The following UNC5C variants were observed in gnomAD, a reference collection of about 807,000 sequenced individuals.
The protein encoded by UNC5C is netrin receptor UNC5C.
In UNC5C, 47 loss-of-function variants were observed where a neutral mutation model predicts 99.8. The observed-to-expected ratio is 0.47, with a 90% CI of 0.37 to 0.60. UNC5C has a LOEUF of 0.60. Ranked by LOEUF, UNC5C falls within the 20% of genes least tolerant of loss-of-function variation. UNC5C has a pLI of 0.00. For synonymous variants in UNC5C, 487 were observed against 452.2 expected (o/e 1.08, Z -0.98); for missense variants, 1,062 against 1,165.9 (o/e 0.91, Z 1.30).
intron 1 of UNC5C, among the ~76,000 whole-genome samples, chr4:95,501,335 T>C (rs1317240683): frequency 1.3e-5 from 2 of 152,056 alleles, no homozygotes; most frequent in Non-Finnish European, 2.9e-5. Context: ...GCTTTTTTGG[T>C]CAGCAACAAG....
At chr4:95,532,085 G>A (rs1057335070) in intron 1 of UNC5C, among the ~76,000 whole-genome samples, 3 of 152,110 alleles carry the variant, frequency 2.0e-5, no homozygotes, top group African/African-American at 7.2e-5. Context: ...GAGCCCAACC[G>A]TGCTCTTAAT....
intron 1 of UNC5C, among the ~76,000 whole-genome samples, chr4:95,497,363 T>C (rs1459061781): frequency 6.6e-6 from 1 of 151,980 alleles, no homozygotes. Flanking sequence ...TGATATATGC[T>C]ATATAAGCCA....
intron 1 of UNC5C, among the ~76,000 whole-genome samples, chr4:95,409,240 T>A (rs551649526): frequency 6.6e-6 from 1 of 152,078 alleles, no homozygotes; most frequent in Non-Finnish European, 1.5e-5. Flanking sequence ...TCAAAGGAGG[T>A]AAATGACTTC....
intron 1 of UNC5C, among the ~76,000 whole-genome samples, chr4:95,387,896 T>A (rs1055102995): frequency 6.6e-6 from 1 of 152,186 alleles, no homozygotes; most frequent in Non-Finnish European, 1.5e-5. Flanking sequence ...CAAGCTGTTT[T>A]CAAGGCAGTT....
intron 1 of UNC5C, among the ~76,000 whole-genome samples, chr4:95,394,439 G>A (rs1745451469): frequency 3.3e-5 from 5 of 152,044 alleles, no homozygotes; most frequent in Admixed American, 1.3e-4. Flanking sequence ...ACTGCCAAAG[G>A]GCGAAAACTG....
chr4:95,378,062 A>C (rs1162348656), intron 1 of UNC5C, among the ~76,000 whole-genome samples: 1 of 152,122 alleles, frequency 6.6e-6, no homozygotes, highest in East Asian at 1.9e-4. Flanking sequence ...CTTTCACTAC[A>C]TTTACCTATG....
intron 1 of UNC5C, among the ~76,000 whole-genome samples, chr4:95,481,575 A>G (rs1721157232): frequency 6.6e-6 from 1 of 152,122 alleles, no homozygotes; most frequent in South Asian, 2.1e-4. Context: ...CAAAAGAACA[A>G]AACTGGAGGC....
chr4:95,471,065 C>G (rs1045219794), intron 1 of UNC5C, among the ~76,000 whole-genome samples: 1 of 149,780 alleles, frequency 6.7e-6, no homozygotes, highest in African/African-American at 2.5e-5. Context: ...TGGAAATATC[C>G]TTCATGCAAC....
chr4:95,514,693 G>A lies in UNC5C; in HGVS notation c.124+34041C>T, dbSNP rs145531422. On this transcript the variant is annotated intron_variant, in intron 1 of 15. Transcript: ENST00000453304. ...CACATATATATATATTTTTCCTTGAGATGGAGTCTTGCTCTGTCATCCAGG... is the reference window on the plus strand; with the variant it reads ...CACATATATATATATTTTTCCTTGAAATGGAGTCTTGCTCTGTCATCCAGG... 8.6e-3 allele frequency among the ~76,000 whole-genome samples: 1,284 copies of A among 150,072 alleles called. 21 individuals carry two copies. The highest frequency in any genetic ancestry group is 0.03 in the African/African-American group (1,239 of 40,982).
At chr4:95,546,421 T>G (rs554502950) in intron 1 of UNC5C, among the ~76,000 whole-genome samples, 2 of 152,236 alleles carry the variant, frequency 1.3e-5, no homozygotes, top group Non-Finnish European at 2.9e-5. Flanking sequence ...TAGTGGAGTT[T>G]GGTGCTTTAT....
intron 1 of UNC5C, among the ~76,000 whole-genome samples, chr4:95,508,226 T>C (rs1410200122): frequency 1.3e-5 from 2 of 152,060 alleles, no homozygotes; most frequent in East Asian, 1.9e-4. Flanking sequence ...CACTAGGCTA[T>C]AGACCCTGGG....
intron 12 of UNC5C, among the ~76,000 whole-genome samples, chr4:95,201,110 C>G (rs1028122841): frequency 2.0e-5 from 3 of 152,196 alleles, no homozygotes; most frequent in African/African-American, 7.2e-5. Flanking sequence ...AGCCTCCACA[C>G]TGGAAGTCTG....
At chr4:95,532,539 C>T (rs1311890476) in intron 1 of UNC5C, among the ~76,000 whole-genome samples, 1 of 151,776 alleles carries the variant, frequency 6.6e-6, no homozygotes, top group Non-Finnish European at 1.5e-5. Context: ...TCATCAATTC[C>T]TGTACTCATC....
intron 1 of UNC5C, among the ~76,000 whole-genome samples, chr4:95,439,136 A>G (rs536120645): frequency 1.3e-5 from 2 of 152,156 alleles, no homozygotes; most frequent in Admixed American, 6.6e-5. Flanking sequence ...CACAGGCCAC[A>G]TTGAGCTTAT....
At chr4:95,328,039 T>A (rs1468960268) in intron 2 of UNC5C, among the ~76,000 whole-genome samples, 6 of 82,730 alleles carry the variant, frequency 7.3e-5, no homozygotes, top group Admixed American at 1.6e-4. Context: ...ACAGGCAACT[T>A]CTTTTTTTTT....
intron 1 of UNC5C, among the ~76,000 whole-genome samples, chr4:95,442,682 G>C (rs1487766618): frequency 6.6e-6 from 1 of 152,024 alleles, no homozygotes; most frequent in Non-Finnish European, 1.5e-5. Flanking sequence ...TTTTGGTGAG[G>C]TAAAATAATA....
intron 1 of UNC5C, among the ~76,000 whole-genome samples, chr4:95,460,934 G>A (rs1338334585): frequency 4.6e-5 from 7 of 152,092 alleles, no homozygotes; most frequent in Non-Finnish European, 1.0e-4. Context: ...TGCCACATAG[G>A]TATATGAAAG....
At chr4:95,527,802 A>G (rs1301846654) in intron 1 of UNC5C, among the ~76,000 whole-genome samples, 5 of 152,136 alleles carry the variant, frequency 3.3e-5, no homozygotes, top group Non-Finnish European at 4.4e-5. Context: ...CAATTGATGG[A>G]GAAATTTTTA....
chr4:95,172,979 A>G (rs1466732456), intron 14 of UNC5C, among the ~76,000 whole-genome samples: 3 of 151,872 alleles, frequency 2.0e-5, no homozygotes, highest in Non-Finnish European at 2.9e-5. Context: ...TGGATTCCTA[A>G]GTATTTTATT....
Sources: allele counts gnomAD v4.1 joint callset (sites outside exome capture counted in the v4.1 genomes callset), GRCh38; gene constraint gnomAD v4.1.1; transcripts MANE v1.5; gene names NCBI Gene and HGNC (gene_info 2026-07-23, HGNC 2026-07-21).